RGS19: variants seen among roughly 807,000 people sequenced by gnomAD.
The protein encoded by RGS19 is G alpha interacting protein.
A neutral mutation model predicts 22.0 loss-of-function variants in RGS19; 9 were observed. The observed-to-expected ratio is 0.41, with a 90% CI of 0.25 to 0.71. The LOEUF is 0.71. RGS19 is among the 30% of genes least tolerant of loss of function. The pLI is 0.32. For missense variants in RGS19, 256 were observed against 307.1 expected (o/e 0.83, Z 1.24); for synonymous variants, 130 against 127.3 (o/e 1.02, Z -0.14).
At chr20:64,074,577 C>G (rs2059889636) in intron 3 of RGS19, 36 bp from the exon 4 acceptor site, 1 of 1,524,980 alleles carries the variant, frequency 6.6e-7, no homozygotes, top group African/African-American at 1.4e-5. Flanking sequence ...GCCGTGGGCA[C>G]ACACGCCTCC....
chr20:64,079,456 C>G lies in RGS19; in HGVS notation c.-231G>C, dbSNP rs1205358369. ...GAGGCTAGCGCCAGGAGCCCCCGAT[C>G]GGCTGGGGCCGGGGGCGCAGCGCCT... On this transcript the variant is annotated 5_prime_UTR_variant, in exon 1 of 6. Coordinates refer to ENST00000395042, the MANE Select transcript of RGS19 (RefSeq NM_005873.3). The surrounding 1 kb of genome is among the most constrained non-coding windows in gnomAD (Gnocchi z 5.1). 6.6e-6 allele frequency: 1 copy of G among 151,578 alleles called. No individual in the cohort carries two copies. The highest frequency in any genetic ancestry group is 1.9e-4 in the East Asian group (1 of 5,134). 9.4% of individuals were successfully genotyped at this position (151,578 alleles called of 1,614,324 possible).
Position 64,073,902 on chromosome 20 carries a change from T to A in RGS19, c.605A>T (p.Tyr202Phe). Residue 202 changes from tyrosine to phenylalanine, a missense_variant, in exon 6 of 6, where the codon TAC becomes TTC. Transcript: ENST00000395042. Reference sequence around the variant, plus strand: ...TGGCCCCTGCAGCAGCAGGGCACGGTAGGTGGGAGAGCTGAGGAAGCGGGG... The same window carrying A: ...TGGCCCCTGCAGCAGCAGGGCACGGAAGGTGGGAGAGCTGAGGAAGCGGGG... ...SYPRFLSSPTYRALLLQGPSQ... is the reference protein window; with the variant it reads ...SYPRFLSSPTFRALLLQGPSQ... The A allele has an allele frequency of 6.2e-7, 1 of 1,613,430 alleles. No individual in the cohort carries two copies. The highest frequency in any genetic ancestry group is 8.5e-7 in the Non-Finnish European group (1 of 1,179,762).
chr20:64,077,196 G>T (rs1449831679), intron 1 of RGS19, among the ~76,000 whole-genome samples: 1 of 152,114 alleles, frequency 6.6e-6, no homozygotes, highest in African/African-American at 2.4e-5. Flanking sequence ...CCCAGATGAG[G>T]CCCCCACTGG....
At chr20:64,076,471 T>A in intron 3 of RGS19, 54 bp downstream of exon 3, 1 of 1,604,856 alleles carries the variant, frequency 6.2e-7, no homozygotes, top group Non-Finnish European at 8.5e-7. Flanking sequence ...CTGGGTCTGC[T>A]TGGCCCCATG....
At chr20:64,074,676 C>T (rs956138074) in intron 3 of RGS19, 135 bp from the exon 4 acceptor site, 7 of 775,570 alleles carry the variant, frequency 9.0e-6, no homozygotes, top group Non-Finnish European at 1.2e-5. Flanking sequence ...GCACCTGACA[C>T]ACATGGGCAC....
In RGS19 at chr20:64,074,484, G is replaced by A. The variant is rs1223903208; in HGVS notation, c.210C>T (p.Leu70=). The A allele has an allele frequency of 6.3e-7, 1 of 1,584,878 alleles. No individual in the cohort carries two copies. The highest frequency in any genetic ancestry group is 2.3e-5 in the East Asian group (1 of 43,194). ...QASRESKLQP[L]PSCEVCATPS... ...GGACTCACCATACTTCACAGCTGGGGAGGGGCTGCAGCTTGCTCTCCCGGG... is the reference window on the plus strand; with the variant it reads ...GGACTCACCATACTTCACAGCTGGGAAGGGGCTGCAGCTTGCTCTCCCGGG... Residue 70 remains leucine (L), a synonymous_variant, in exon 4 of 6, where the codon CTC becomes CTT. Coordinates refer to ENST00000395042, the MANE Select transcript of RGS19 (RefSeq NM_005873.3).
rs371831195 is a variant in RGS19, at chr20:64,074,065, G to A, written c.463-21C>T. ...CTCACCTGCAGGACAAGACACTGAGGTCAGGGGGTGCGGGAGCTGCCTTCC... is the reference window on the plus strand; with the variant it reads ...CTCACCTGCAGGACAAGACACTGAGATCAGGGGGTGCGGGAGCTGCCTTCC... On this transcript the variant is annotated intron_variant, in intron 5 of 5. Transcript: ENST00000395042. 38 of 1,605,548 alleles carry A rather than the reference G, an allele frequency of 2.4e-5. No homozygotes were observed. In the African/African-American group the frequency reaches 4.0e-4, roughly 17 times the overall value.
intron 5 of RGS19, 28 bp from the exon 6 acceptor site, chr20:64,074,072 G>T: frequency 6.2e-7 from 1 of 1,604,580 alleles, no homozygotes; most frequent in Non-Finnish European, 8.5e-7. Flanking sequence ...GAGGTCAGGG[G>T]GTGCGGGAGC....
Position 64,074,362 on chromosome 20 carries a change from C to G in RGS19, c.244G>C (p.Glu82Gln), listed in dbSNP as rs1210491975. ...SCEVCATPSP[E>Q]EVQSWAQSFD... Reference sequence around the variant, plus strand: ...GACTGCGCCCAGCTCTGCACCTCCTCAGGACTTGGCGTGGCACTGTGGGCA... The same window carrying G: ...GACTGCGCCCAGCTCTGCACCTCCTGAGGACTTGGCGTGGCACTGTGGGCA... The change falls in exon 5 of 6, where the codon GAG (glutamate) becomes CAG (glutamine). Residue 82 changes from glutamate to glutamine, a missense_variant. Physicochemically the swap from Glu to Gln is conservative, Grantham distance 29 (BLOSUM62 2). Transcript: ENST00000395042. 1.9e-6 allele frequency: 3 copies of G among 1,609,728 alleles called. No homozygotes were observed. The highest frequency in any genetic ancestry group is 1.7e-6 in the Non-Finnish European group (2 of 1,178,274).
intron 1 of RGS19, among the ~76,000 whole-genome samples, chr20:64,078,580 G>A (rs1204275741): frequency 1.3e-5 from 2 of 152,226 alleles, no homozygotes; most frequent in East Asian, 3.9e-4. Context: ...GTTTAGGGGT[G>A]CAGGGCCGGG....
Position 64,075,735 on chromosome 20 carries a change from G to A in RGS19, c.152+790C>T, listed in dbSNP as rs962381945. Among the ~76,000 whole-genome samples, 4 of 151,962 alleles carry A rather than the reference G, an allele frequency of 2.6e-5. No homozygotes were observed. The highest frequency in any genetic ancestry group is 1.9e-4 in the East Asian group (1 of 5,166). ...GATGCCCAGAGACGTCCCCGCCACC[G>A]CCCCCTGCTCTTCTTCCCCCACGCA... On this transcript the variant is annotated intron_variant, in intron 3 of 5. Coordinates refer to ENST00000395042, the MANE Select transcript of RGS19 (RefSeq NM_005873.3). The surrounding 1 kb of genome is among the most constrained non-coding windows in gnomAD (Gnocchi z 4.6).
At position 64,075,423 on chromosome 20, in the gene RGS19, TC is replaced by T. The variant is rs2059897532; in HGVS notation, c.153-883del. Among the ~76,000 whole-genome samples the T allele has an allele frequency of 2.0e-5, 3 of 152,226 alleles. No individual in the cohort carries two copies. The East Asian group carries it at 5.8e-4, about 29-fold the overall frequency. ...CCCAAATCCATACCCGGCTGACCTC[TC>T]TCCAGGGCACTTGGATGGCTGGCAG... On this transcript the variant is annotated intron_variant, in intron 3 of 5. Coordinates refer to ENST00000395042, the MANE Select transcript of RGS19 (RefSeq NM_005873.3). The surrounding 1 kb of genome is among the most constrained non-coding windows in gnomAD (Gnocchi z 4.6).
chr20:64,076,553 A>G lies in RGS19; in HGVS notation c.124T>C (p.Cys42Arg). ...AAPSRNPCCL[C>R]WCCCCSCSWN... Reference sequence around the variant, plus strand: ...GAGCAGCTACAGCAGCAGCACCAGCACAGGCAGCAGGGGTTGCGGCTGGGG... The same window carrying G: ...GAGCAGCTACAGCAGCAGCACCAGCGCAGGCAGCAGGGGTTGCGGCTGGGG... The change falls in exon 3 of 6, where the codon TGC (cysteine) becomes CGC (arginine). Residue 42 changes from cysteine to arginine, a missense_variant. By Grantham distance (180) the Cys-to-Arg change is radical. Transcript: ENST00000395042. 1 of 1,613,012 alleles carries G rather than the reference A, an allele frequency of 6.2e-7. No homozygotes were observed. The highest frequency in any genetic ancestry group is 8.5e-7 in the Non-Finnish European group (1 of 1,179,890).
At chr20:64,076,716 TCCCATGGGTAGCC>T in intron 2 of RGS19, 70 bp from the exon 3 acceptor site, 1 of 1,521,934 alleles carries the variant, frequency 6.6e-7, no homozygotes, top group Non-Finnish European at 9.0e-7. Context: ...TCCCCCACCT[TCCCATGGGTAGCC>T]CTGTTCCCAG....
Position 64,075,701 on chromosome 20 carries a change from C to A in RGS19, c.152+824G>T, listed in dbSNP as rs1348501865. ...TACCATCTGGGAGCCCCACTCCCACCCTCACAGGGATGCCCAGAGACGTCC... is the reference window on the plus strand; with the variant it reads ...TACCATCTGGGAGCCCCACTCCCACACTCACAGGGATGCCCAGAGACGTCC... On this transcript the variant is annotated intron_variant, in intron 3 of 5. Coordinates refer to ENST00000395042, the MANE Select transcript of RGS19 (RefSeq NM_005873.3). This position sits in a 1 kb window ranked among gnomAD's most constrained non-coding sequence, Gnocchi z 4.6. Among the ~76,000 whole-genome samples the A allele has an allele frequency of 6.6e-6, 1 of 152,166 alleles. No homozygotes were observed. The highest frequency in any genetic ancestry group is 2.4e-5 in the African/African-American group (1 of 41,446).
At chr20:64,074,885 G>A (rs533773611) in intron 3 of RGS19, among the ~76,000 whole-genome samples, 4 of 152,330 alleles carry the variant, frequency 2.6e-5, no homozygotes, top group African/African-American at 9.6e-5. Flanking sequence ...GGCTCCTGGT[G>A]TGCTCCTCCC....
Position 64,073,509 on chromosome 20 carries a change from G to T in RGS19, c.*344C>A, listed in dbSNP as rs2059872509. 4.6e-6 allele frequency: 1 copy of T among 217,638 alleles called. No homozygotes were observed. The highest frequency in any genetic ancestry group is 1.6e-3 in the Middle Eastern group (1 of 638). 13.5% of individuals were successfully genotyped at this position (217,638 alleles called of 1,614,324 possible). ...GGCCCATTGGCTGCCTGGGGAGGAG[G>T]CCCCAGCGAGGCTCATGGGTCCAGC... On this transcript the variant is annotated 3_prime_UTR_variant, in exon 6 of 6. Coordinates refer to ENST00000395042, the MANE Select transcript of RGS19 (RefSeq NM_005873.3).
chr20:64,074,688 C>T (rs2059891163), intron 3 of RGS19, 147 bp from the exon 4 acceptor site: 1 of 721,270 alleles, frequency 1.4e-6, no homozygotes, highest in South Asian at 1.9e-5. Context: ...CATGGGCACC[C>T]ACTGCAGGAG....
chr20:64,079,818 G>A (rs975158013), upstream of RGS19: 3 of 150,614 alleles, frequency 2.0e-5, no homozygotes, highest in African/African-American at 4.9e-5. This position sits in a 1 kb window ranked among gnomAD's most constrained non-coding sequence, Gnocchi z 5.1. Context: ...CGGTCCCCGG[G>A]CCCGGGCCGG....
Sources: gnomAD v4.1 joint callset for allele counts (sites outside exome capture counted in the v4.1 genomes callset) on GRCh38, gnomAD v4.1.1 for gene constraint, Gnocchi (gnomAD v3.1) non-coding constraint, MANE v1.5 for transcripts, NCBI Gene and HGNC (gene_info 2026-07-23, HGNC 2026-07-21) for gene names.